LRP1B: variants seen among roughly 807,000 people sequenced by gnomAD.
LRP1B encodes the protein LDL receptor related protein 1B, also known as low-density lipoprotein receptor-related protein 1B.
A neutral mutation model predicts 556.6 loss-of-function variants in LRP1B; 217 were observed. The ratio of observed to expected loss-of-function variants is 0.39; its 90% confidence interval spans 0.35 to 0.44. The LOEUF (loss-of-function observed/expected upper bound fraction) is 0.44, where lower values mean the gene tolerates loss of function less well. LRP1B is among the 20% of genes least tolerant of loss of function. LRP1B has a pLI of 1.00. For missense variants in LRP1B, 5,053 were observed against 5,620.8 expected (o/e 0.90, Z 3.23); for synonymous variants, 2,047 against 1,865.8 (o/e 1.10, Z -2.50).
intron 11 of LRP1B, among the ~76,000 whole-genome samples, chr2:141,046,025 C>T (rs1261841545): frequency 1.3e-5 from 2 of 151,798 alleles, no homozygotes; most frequent in African/African-American, 2.4e-5. Flanking sequence ...TCCTCAAAGC[C>T]AACAGTATAT....
intron 11 of LRP1B, among the ~76,000 whole-genome samples, chr2:141,027,828 C>A (rs887230055): frequency 1.3e-5 from 2 of 152,000 alleles, no homozygotes; most frequent in African/African-American, 4.8e-5. Flanking sequence ...TAAGAAGAGA[C>A]CAGAGAGCTC....
intron 1 of LRP1B, among the ~76,000 whole-genome samples, chr2:141,889,613 T>C (rs1025266069): frequency 1.3e-5 from 2 of 152,154 alleles, no homozygotes; most frequent in Non-Finnish European, 1.5e-5. Context: ...ATAGACCATG[T>C]CTAATATCGT....
intron 1 of LRP1B, among the ~76,000 whole-genome samples, chr2:142,120,159 T>C (rs369559238): frequency 1.3e-5 from 2 of 152,316 alleles, no homozygotes; most frequent in South Asian, 2.1e-4. Context: ...TTGCTCAGGT[T>C]GGAGTGCTGT....
At chr2:141,820,701 C>G (rs1167255365) in intron 1 of LRP1B, among the ~76,000 whole-genome samples, 1 of 152,184 alleles carries the variant, frequency 6.6e-6, no homozygotes, top group Admixed American at 6.5e-5. Flanking sequence ...AATATGTACA[C>G]AAGTTTGCAT....
intron 47 of LRP1B, among the ~76,000 whole-genome samples, chr2:140,528,862 A>G (rs1690556865): frequency 6.6e-6 from 1 of 152,066 alleles, no homozygotes; most frequent in East Asian, 1.9e-4. Flanking sequence ...CTGTTGCTTC[A>G]ACTATATTTC....
intron 2 of LRP1B, among the ~76,000 whole-genome samples, chr2:141,783,350 A>G (rs1695325626): frequency 6.6e-6 from 1 of 152,094 alleles, no homozygotes. Flanking sequence ...GGTAAAAAGA[A>G]GAAATAATTC....
rs2105138556 is a variant in LRP1B at position 140,358,947 on chromosome 2, C to A, written c.11132-1G>T. The A allele has an allele frequency of 6.2e-7, 1 of 1,605,512 alleles. No homozygotes were observed. Among genetic ancestry groups the A allele is most frequent in the East Asian group, 2.2e-5 (1 of 44,464 alleles). On this transcript the variant is annotated splice_acceptor_variant, in intron 72 of 90. Coordinates refer to ENST00000389484, the MANE Select transcript of LRP1B (RefSeq NM_018557.3). LOFTEE classifies it high-confidence loss of function. ...CTCGTGGATGGACAAAGAAATTTGA[C>A]TGAAGAAAAAGAAGAAAAAACAAAG...
intron 3 of LRP1B, among the ~76,000 whole-genome samples, chr2:141,291,683 C>T (rs1685957746): frequency 6.6e-6 from 1 of 151,690 alleles, no homozygotes; most frequent in Non-Finnish European, 1.5e-5. Context: ...GGTGAAACCC[C>T]GTCTCTACTG....
chr2:140,828,736 A>G (rs12996277), intron 31 of LRP1B, among the ~76,000 whole-genome samples: 867 of 13,462 alleles, frequency 0.064, 152 homozygotes, highest in South Asian at 0.26. Context: ...CTTGCAGTGA[A>G]CCGAGATCGC....
chr2:141,737,785 A>C (rs1362347869), intron 2 of LRP1B, among the ~76,000 whole-genome samples: 5 of 152,172 alleles, frequency 3.3e-5, no homozygotes, highest in African/African-American at 9.6e-5. Flanking sequence ...ATATTGGTGC[A>C]TATTAAGCAT....
intron 2 of LRP1B, among the ~76,000 whole-genome samples, chr2:141,714,728 C>T (rs940204520): frequency 2.0e-5 from 3 of 152,032 alleles, no homozygotes; most frequent in Admixed American, 2.0e-4. Flanking sequence ...AAACTTAAGA[C>T]AACTTTCAGA....
intron 2 of LRP1B, among the ~76,000 whole-genome samples, chr2:141,802,796 A>G (rs1352135629): frequency 3.3e-5 from 5 of 152,134 alleles, no homozygotes; most frequent in African/African-American, 4.8e-5. Flanking sequence ...GTGCTCACAC[A>G]TGAAAGGTAA....
intron 86 of LRP1B, among the ~76,000 whole-genome samples, chr2:140,254,178 G>A (rs1681573835): frequency 6.6e-6 from 1 of 152,058 alleles, no homozygotes; most frequent in Admixed American, 6.5e-5. Context: ...TCAACTGCAG[G>A]TTAATAACTG....
intron 3 of LRP1B, among the ~76,000 whole-genome samples, chr2:141,360,122 C>A (rs576299438): frequency 6.6e-6 from 1 of 152,142 alleles, no homozygotes; most frequent in Non-Finnish European, 1.5e-5. Context: ...ATAAGGACTT[C>A]CAGTGAAGAC....
intron 1 of LRP1B, among the ~76,000 whole-genome samples, chr2:141,955,255 A>G (rs1701213957): frequency 6.6e-6 from 1 of 152,100 alleles, no homozygotes; most frequent in Admixed American, 6.6e-5. Flanking sequence ...TTTGTCATTC[A>G]TCATCTCCCT....
At chr2:140,422,350 T>C (rs951455336) in intron 66 of LRP1B, among the ~76,000 whole-genome samples, 8 of 152,188 alleles carry the variant, frequency 5.3e-5, no homozygotes, top group Non-Finnish European at 1.0e-4. Flanking sequence ...ACTGGTTTTA[T>C]TTGCTTGTAA....
intron 1 of LRP1B, among the ~76,000 whole-genome samples, chr2:141,923,446 A>ATATATG (rs751676259): frequency 7.3e-4 from 60 of 81,744 alleles, no homozygotes; most frequent in African/African-American, 2.4e-3. Flanking sequence ...TTATATATAT[A>ATATATG]TGTGTGTGTG....
At chr2:141,766,666 T>G (rs538964930) in intron 2 of LRP1B, among the ~76,000 whole-genome samples, 1 of 152,294 alleles carries the variant, frequency 6.6e-6, no homozygotes, top group Non-Finnish European at 1.5e-5. Context: ...GGAAAGTGCC[T>G]TTATGAAGAC....
intron 2 of LRP1B, among the ~76,000 whole-genome samples, chr2:141,698,650 C>G (rs2105457927): frequency 6.6e-6 from 1 of 151,446 alleles, no homozygotes; most frequent in South Asian, 2.1e-4. Flanking sequence ...TTGAATTTCT[C>G]TGATTATCTG....
Sources: allele counts gnomAD v4.1 joint callset (sites outside exome capture counted in the v4.1 genomes callset), GRCh38; gene constraint gnomAD v4.1.1; transcripts MANE v1.5; gene names NCBI Gene and HGNC (gene_info 2026-07-23, HGNC 2026-07-21).